The following ZFPM2 variants were observed in gnomAD, a reference collection of about 807,000 sequenced individuals.
ZFPM2 encodes zinc finger protein, FOG family member 2, also known as zinc finger protein ZFPM2.
A neutral mutation model predicts 98.6 loss-of-function variants in ZFPM2; 20 were observed. That is an observed-to-expected ratio of 0.20 (90% CI 0.14 to 0.29). ZFPM2 has a LOEUF of 0.29. ZFPM2 is among the 10% of genes least tolerant of loss of function. The pLI is 1.00. For missense variants in ZFPM2, 1,310 were observed against 1,388.6 expected, an observed-to-expected ratio of 0.94 and a Z score of 0.90; for synonymous variants, 518 against 502.7, an observed-to-expected ratio of 1.03 and a Z score of -0.41.
intron 3 of ZFPM2, among the ~76,000 whole-genome samples, chr8:105,463,704 A>G (rs186594269): frequency 1.3e-5 from 2 of 152,186 alleles, no homozygotes; most frequent in Admixed American, 1.3e-4. Context: ...GTTGCTTCTT[A>G]ATGAGAGAAT....
intron 5 of ZFPM2, among the ~76,000 whole-genome samples, chr8:105,674,384 C>T (rs1817650514): frequency 6.6e-6 from 1 of 152,166 alleles, no homozygotes; most frequent in African/African-American, 2.4e-5. Flanking sequence ...TGAACCCTTG[C>T]CTATGATGGC....
At chr8:105,668,125 A>G (rs1377396081) in intron 5 of ZFPM2, among the ~76,000 whole-genome samples, 2 of 152,202 alleles carry the variant, frequency 1.3e-5, no homozygotes, top group Non-Finnish European at 2.9e-5. Flanking sequence ...AGCCCTAGAC[A>G]GATAGGCCAT....
intron 3 of ZFPM2, among the ~76,000 whole-genome samples, chr8:105,511,227 C>A (rs1243740995): frequency 6.6e-6 from 1 of 152,236 alleles, no homozygotes; most frequent in Non-Finnish European, 1.5e-5. Flanking sequence ...CCTTGCTCTG[C>A]CAGGTGCTAA....
intron 3 of ZFPM2, among the ~76,000 whole-genome samples, chr8:105,541,183 T>G (rs1004981489): frequency 4.6e-5 from 7 of 152,198 alleles, no homozygotes; most frequent in African/African-American, 1.7e-4. Flanking sequence ...TCATCCCTGA[T>G]GAAATATTTT....
chr8:105,551,162 A>T (rs1452329971), intron 3 of ZFPM2, among the ~76,000 whole-genome samples: 3 of 152,230 alleles, frequency 2.0e-5, no homozygotes, highest in African/African-American at 7.2e-5. Context: ...GTAAATAAAT[A>T]TATAGTATGT....
intron 4 of ZFPM2, chr8:105,616,630 T>G (rs2130807998): frequency 2.9e-6 from 1 of 344,138 alleles, no homozygotes; most frequent in South Asian, 2.4e-5. Flanking sequence ...TTATAAGCGT[T>G]ATTTAATATT....
At chr8:105,578,183 G>A (rs536852929) in intron 4 of ZFPM2, among the ~76,000 whole-genome samples, 1 of 152,180 alleles carries the variant, frequency 6.6e-6, no homozygotes, top group East Asian at 1.9e-4. Context: ...GAAAGGAGAA[G>A]CATGACATCT....
intron 1 of ZFPM2, among the ~76,000 whole-genome samples, chr8:105,348,177 T>G (rs922293618): frequency 2.0e-5 from 3 of 152,220 alleles, no homozygotes; most frequent in African/African-American, 7.2e-5. Flanking sequence ...TGAAGAATCA[T>G]GTAGTAAGGA....
Position 105,802,788 on chromosome 8 carries a change from A to G in ZFPM2, c.2706A>G (p.Arg902=). 1 of 1,613,704 alleles carries G rather than the reference A, an allele frequency of 6.2e-7. No homozygotes were observed. The highest frequency in any genetic ancestry group is 8.5e-7 in the Non-Finnish European group (1 of 1,179,830). Residue 902 remains arginine (R), a synonymous_variant, in exon 8 of 8, where the codon CGA becomes CGG. Coordinates refer to ENST00000407775, the MANE Select transcript of ZFPM2 (RefSeq NM_012082.4). ...TGTTTCCGAATCCAGAAAGCGAACGAAACAGCCCTGATGTCAGCTACGAAA... is the reference window on the plus strand; with the variant it reads ...TGTTTCCGAATCCAGAAAGCGAACGGAACAGCCCTGATGTCAGCTACGAAA... ...GKVFPNPESE[R]NSPDVSYERS...
intron 1 of ZFPM2, among the ~76,000 whole-genome samples, chr8:105,358,830 C>G (rs1296447846): frequency 6.6e-6 from 1 of 152,122 alleles, no homozygotes; most frequent in Non-Finnish European, 1.5e-5. Context: ...TGGTGCGTGC[C>G]TGTAGTCCCA....
intron 5 of ZFPM2, among the ~76,000 whole-genome samples, chr8:105,698,170 ACTAGTTCTAC>A (rs1301967579): frequency 6.6e-6 from 1 of 152,198 alleles, no homozygotes; most frequent in Non-Finnish European, 1.5e-5. Context: ...ACCTTTGAAT[ACTAGTTCTAC>A]CTTTCCCTTA....
intron 3 of ZFPM2, among the ~76,000 whole-genome samples, chr8:105,517,707 C>CACACACA (rs61552974): frequency 3.2e-5 from 4 of 124,890 alleles, no homozygotes; most frequent in Admixed American, 1.6e-4. Context: ...CACACACACA[C>CACACACA]CACACACACA....
chr8:105,757,861 C>T (rs184590593), intron 5 of ZFPM2, among the ~76,000 whole-genome samples: 3 of 152,132 alleles, frequency 2.0e-5, no homozygotes, highest in Admixed American at 1.3e-4. Context: ...AGCCTGGGAC[C>T]TCTCTCAGTA....
chr8:105,374,510 C>G (rs1445347484), intron 1 of ZFPM2, among the ~76,000 whole-genome samples: 1 of 151,896 alleles, frequency 6.6e-6, no homozygotes, highest in Admixed American at 6.6e-5. Context: ...TTCAGCCTCA[C>G]AAGTAGCTGG....
At chr8:105,771,426 G>C (rs1358223802) in intron 5 of ZFPM2, among the ~76,000 whole-genome samples, 1 of 152,068 alleles carries the variant, frequency 6.6e-6, no homozygotes, top group Non-Finnish European at 1.5e-5. Flanking sequence ...TTCTATAGCT[G>C]TTTGTATCTA....
intron 5 of ZFPM2, among the ~76,000 whole-genome samples, chr8:105,689,345 T>A (rs1810821293): frequency 6.6e-6 from 1 of 152,170 alleles, no homozygotes; most frequent in Admixed American, 6.5e-5. Flanking sequence ...CTAAAATATT[T>A]CATTATCTTT....
At chr8:105,622,066 T>C (rs1487000871) in intron 4 of ZFPM2, among the ~76,000 whole-genome samples, 1 of 151,972 alleles carries the variant, frequency 6.6e-6, no homozygotes, top group Non-Finnish European at 1.5e-5. Flanking sequence ...TTATTACTAA[T>C]TGGAATTATT....
At chr8:105,453,934 C>T (rs1476433713) in intron 3 of ZFPM2, among the ~76,000 whole-genome samples, 2 of 152,072 alleles carry the variant, frequency 1.3e-5, no homozygotes, top group Admixed American at 6.6e-5. Flanking sequence ...TGTCATTTCA[C>T]TCACGGGTAC....
chr8:105,334,000 C>T (rs1195142846), intron 1 of ZFPM2, among the ~76,000 whole-genome samples: 1 of 150,842 alleles, frequency 6.6e-6, no homozygotes, highest in Non-Finnish European at 1.5e-5. Flanking sequence ...CAGTTTTTAA[C>T]CAAATATAAT....
Sources: allele counts gnomAD v4.1 joint callset (sites outside exome capture counted in the v4.1 genomes callset), GRCh38; gene constraint gnomAD v4.1.1; transcripts MANE v1.5; gene names NCBI Gene and HGNC (gene_info 2026-07-23, HGNC 2026-07-21).